Variants in PDE8B observed in about 807,000 individuals in gnomAD.
PDE8B encodes high affinity cAMP-specific and IBMX-insensitive 3',5'-cyclic phosphodiesterase 8B.
In PDE8B, 26 loss-of-function variants were observed where a neutral mutation model predicts 101.3. The ratio of observed to expected loss-of-function variants is 0.26; its 90% CI spans 0.19 to 0.36. The LOEUF is 0.36. PDE8B is among the 10% of genes least tolerant of loss of function. The pLI, the probability that PDE8B is intolerant of heterozygous loss-of-function variation, is 1.00. For synonymous variants in PDE8B, 424 were observed against 429.3 expected (o/e 0.99, Z 0.15); for missense variants, 810 against 1,163.1 (o/e 0.70, Z 4.42).
intron 10 of PDE8B, among the ~76,000 whole-genome samples, chr5:77,358,841 A>G (rs768224664): frequency 7.2e-5 from 11 of 152,240 alleles, no homozygotes; most frequent in Non-Finnish European, 1.5e-4. Context: ...GAATATTACT[A>G]TGATACAGAC....
the PDE8B span, among the ~76,000 whole-genome samples, chr5:77,166,302 A>C: frequency 6.6e-6 from 1 of 152,000 alleles, no homozygotes; most frequent in East Asian, 1.9e-4. Context: ...CTTCTAAAAT[A>C]GGTCTCCCAG....
At chr5:77,361,784 G>T (rs1783155349) in intron 10 of PDE8B, among the ~76,000 whole-genome samples, 1 of 152,096 alleles carries the variant, frequency 6.6e-6, no homozygotes, top group African/African-American at 2.4e-5. Context: ...AAAGTGCTGG[G>T]ATTACAGGCT....
At chr5:77,160,337 C>G in the PDE8B span, among the ~76,000 whole-genome samples, 12 of 152,166 alleles carry the variant, frequency 7.9e-5, no homozygotes, top group African/African-American at 2.9e-4. Context: ...AAAATCTGCA[C>G]GTACTCGAGT....
chr5:77,398,917 G>A (rs1390777679), intron 10 of PDE8B, among the ~76,000 whole-genome samples: 1 of 152,218 alleles, frequency 6.6e-6, no homozygotes, highest in Non-Finnish European at 1.5e-5. Context: ...GGGCAGGCCT[G>A]TGCACACCTA....
chr5:77,300,794 T>C (rs892566498), intron 1 of PDE8B, among the ~76,000 whole-genome samples: 3 of 152,224 alleles, frequency 2.0e-5, no homozygotes, highest in Non-Finnish European at 4.4e-5. Context: ...AGGTTTTAAT[T>C]GTGTAGTGTT....
chr5:77,164,599 G>A, the PDE8B span, among the ~76,000 whole-genome samples: 1 of 152,176 alleles, frequency 6.6e-6, no homozygotes, highest in Non-Finnish European at 1.5e-5. Flanking sequence ...AGAGAAGGTA[G>A]GCACACTAGC....
Position 77,336,081 on chromosome 5 carries a change from G to A in PDE8B, c.709-1146G>A, listed in dbSNP as rs528412486. ...GAGCAGCTCATGCCTAGCATAAATA[G>A]GTGCTTCGTAGTTCTTTGATGAATG... On this transcript the variant is annotated intron_variant, in intron 5 of 21. Transcript: ENST00000264917. Among the ~76,000 whole-genome samples the A allele has an allele frequency of 1.1e-3, 164 of 152,206 alleles. 1 individual carries two copies. The highest frequency in any genetic ancestry group is 3.7e-3 in the African/African-American group (154 of 41,514).
At chr5:77,273,118 G>A (rs1425910757) in intron 1 of PDE8B, among the ~76,000 whole-genome samples, 2 of 152,198 alleles carry the variant, frequency 1.3e-5, no homozygotes, top group Non-Finnish European at 2.9e-5. Flanking sequence ...AATTTATGAT[G>A]TGGCAGACTT....
chr5:77,260,726 T>C (rs1760403706), intron 1 of PDE8B, among the ~76,000 whole-genome samples: 2 of 151,924 alleles, frequency 1.3e-5, no homozygotes, highest in African/African-American at 4.8e-5. Context: ...TAGCTGGGAT[T>C]GCAGGCATGT....
chr5:77,185,387 T>TGTCTTCATATG, the PDE8B span, among the ~76,000 whole-genome samples: 1 of 152,200 alleles, frequency 6.6e-6, no homozygotes, highest in East Asian at 1.9e-4. Context: ...CTTTTCCCTC[T>TGTCTTCATATG]GTCTTCATAT....
chr5:77,391,167 A>G (rs535199206), intron 10 of PDE8B, among the ~76,000 whole-genome samples: 1 of 152,372 alleles, frequency 6.6e-6, no homozygotes, highest in African/African-American at 2.4e-5. Flanking sequence ...TGTAGGGTCC[A>G]CAAGAAAATT....
intron 1 of PDE8B, among the ~76,000 whole-genome samples, chr5:77,236,997 G>A (rs1418250830): frequency 6.6e-6 from 1 of 152,210 alleles, no homozygotes; most frequent in Non-Finnish European, 1.5e-5. Flanking sequence ...TTTCATGTAT[G>A]CTTGGTGAAT....
intron 6 of PDE8B, among the ~76,000 whole-genome samples, chr5:77,338,026 G>A (rs1485538506): frequency 6.6e-6 from 1 of 152,118 alleles, no homozygotes; most frequent in East Asian, 1.9e-4. Context: ...TCTCTTCTCA[G>A]CCAGAGAGCA....
chr5:77,185,579 A>G, the PDE8B span, among the ~76,000 whole-genome samples: 5 of 152,144 alleles, frequency 3.3e-5, no homozygotes, highest in Admixed American at 1.3e-4. Flanking sequence ...TGTGTTGAAC[A>G]CAATTCAGCC....
the PDE8B span, chr5:77,140,939 T>A: frequency 6.6e-6 from 1 of 152,184 alleles, no homozygotes; most frequent in Non-Finnish European, 1.5e-5. Context: ...CATGTATGTG[T>A]GTGTGTACAT....
chr5:77,412,251 G>C lies in PDE8B; in HGVS notation c.1712+16G>C, dbSNP rs144526927. 5.3e-5 allele frequency: 85 copies of C among 1,613,682 alleles called. No individual in the cohort carries two copies. The highest frequency in any genetic ancestry group is 6.0e-5 in the Non-Finnish European group (71 of 1,179,748). Reference sequence around the variant, plus strand: ...CGCATAAAAGGTATGTGACTTCTCTGGCTGAAGGCAGAGCAGGATTGATGG... The same window carrying C: ...CGCATAAAAGGTATGTGACTTCTCTCGCTGAAGGCAGAGCAGGATTGATGG... On this transcript the variant is annotated intron_variant, in intron 16 of 21. Coordinates refer to ENST00000264917, the MANE Select transcript of PDE8B (RefSeq NM_003719.5).
intron 1 of PDE8B, among the ~76,000 whole-genome samples, chr5:77,302,716 T>C (rs1335152402): frequency 1.3e-5 from 2 of 152,250 alleles, no homozygotes; most frequent in Non-Finnish European, 2.9e-5. Flanking sequence ...AATAAGAGCA[T>C]GGCCTTCCCA....
the PDE8B span, among the ~76,000 whole-genome samples, chr5:77,183,373 C>T: frequency 6.6e-6 from 1 of 152,272 alleles, no homozygotes; most frequent in South Asian, 2.1e-4. Context: ...CCGCCTCGGC[C>T]TCCCAAAGTG....
intron 6 of PDE8B, among the ~76,000 whole-genome samples, chr5:77,339,839 G>A (rs1430622828): frequency 2.0e-5 from 3 of 151,948 alleles, no homozygotes; most frequent in Non-Finnish European, 2.9e-5. Context: ...TTACTTAACC[G>A]AGAAACAAAA....
Sources: gnomAD v4.1 joint callset for allele counts (sites outside exome capture counted in the v4.1 genomes callset) on GRCh38, gnomAD v4.1.1 for gene constraint, MANE v1.5 for transcripts, NCBI Gene and HGNC (gene_info 2026-07-23, HGNC 2026-07-21) for gene names.